The following APOL4 variants were observed in gnomAD, a reference collection of about 807,000 sequenced individuals.
The protein encoded by APOL4 is apolipoprotein L4, also known as apolipoprotein L, 4.
APOL4 carries 14 observed loss-of-function variants against 12.1 expected under a neutral mutation model. The observed-to-expected ratio is 1.16, with a 90% CI of 0.76 to 1.81. APOL4 has a LOEUF of 1.81. Ranked by LOEUF, APOL4 falls within the 40% of genes most tolerant of loss-of-function variation. APOL4 has a pLI of 0.00. For synonymous variants in APOL4, 171 were observed against 160.6 expected (o/e 1.06, Z -0.49); for missense variants, 432 against 423.1 (o/e 1.02, Z -0.18).
At chr22:36,199,441 A>AAC in intron 1 of APOL4, 65 bp from the exon 2 acceptor site, 1 of 1,613,438 alleles carries the variant, frequency 6.2e-7, no homozygotes, top group East Asian at 2.2e-5. Context: ...GGGAGGCTTG[A>AAC]ACAGCTGGGC....
intron 3 of APOL4, among the ~76,000 whole-genome samples, chr22:36,192,441 T>C (rs1388173981): frequency 1.3e-5 from 2 of 152,166 alleles, no homozygotes; most frequent in Non-Finnish European, 2.9e-5. Flanking sequence ...TAAGTTAAAG[T>C]CATCTTCCGA....
intron 1 of APOL4, 148 bp downstream of exon 1, chr22:36,201,552 G>C: frequency 1.7e-6 from 2 of 1,195,260 alleles, no homozygotes; most frequent in Non-Finnish European, 2.3e-6. Context: ...TGACAGGAGA[G>C]GGGCATCCCT....
intron 2 of APOL4, chr22:36,197,743 A>G (rs914512443): frequency 1.3e-6 from 2 of 1,550,276 alleles, no homozygotes; most frequent in African/African-American, 2.7e-5. Context: ...AAGAACAAGA[A>G]CTCCAGGCAG....
At position 36,189,458 on chromosome 22, in the gene APOL4, G is replaced by C. The variant is rs1046709448; in HGVS notation, c.*1617C>G. On this transcript the variant is annotated 3_prime_UTR_variant, in exon 4 of 4. Transcript: ENST00000683024. ...CCACCACCATCATCAAGAAGCCACT[G>C]GCTGACTCAGATACACCCCCGGGAG... The C allele has an allele frequency of 3.9e-5, 6 of 152,356 alleles. No homozygotes were observed. Among genetic ancestry groups the C allele is most frequent in the African/African-American group, 1.4e-4 (6 of 41,406 alleles). 9.4% of individuals were successfully genotyped at this position (152,356 alleles called of 1,614,324 possible).
chr22:36,193,554 A>T (rs1454861375), intron 3 of APOL4, among the ~76,000 whole-genome samples: 1 of 152,224 alleles, frequency 6.6e-6, no homozygotes, highest in East Asian at 1.9e-4. Flanking sequence ...AATAACAGTT[A>T]TCAGTGAGTT....
chr22:36,201,212 C>T (rs565623497), intron 1 of APOL4, among the ~76,000 whole-genome samples: 334 of 151,162 alleles, frequency 2.2e-3, no homozygotes, highest in African/African-American at 7.2e-3. Context: ...TACCATTGTT[C>T]TTTTCTCACC....
At chr22:36,195,099 C>T (rs1165867549) in intron 3 of APOL4, 3 of 534,686 alleles carry the variant, frequency 5.6e-6, no homozygotes, top group Non-Finnish European at 6.4e-6. Context: ...ACTGACCCTG[C>T]CCTTGTGGGC....
At chr22:36,195,159 G>A (rs544426408) in intron 3 of APOL4, 152 bp downstream of exon 3, 3 of 1,008,686 alleles carry the variant, frequency 3.0e-6, no homozygotes, top group South Asian at 1.8e-5. Context: ...AGCACTTGGA[G>A]GAAATATTCT....
chr22:36,200,671 G>T (rs879693406), intron 1 of APOL4, among the ~76,000 whole-genome samples: 6 of 152,238 alleles, frequency 3.9e-5, no homozygotes, highest in African/African-American at 1.2e-4. Context: ...GGAGTAGAAT[G>T]ACTAGGTCAG....
Position 36,189,366 on chromosome 22 carries a change from C to A in APOL4, c.*1709G>T, listed in dbSNP as rs2014179880. Reference sequence around the variant, plus strand: ...CCATGGAAATGGCTCATTACCCGGCCTTCAGGGTTCAAGCAGGGGACATGC... The same window carrying A: ...CCATGGAAATGGCTCATTACCCGGCATTCAGGGTTCAAGCAGGGGACATGC... On this transcript the variant is annotated 3_prime_UTR_variant, in exon 4 of 4. Coordinates refer to ENST00000683024, the MANE Select transcript of APOL4 (RefSeq NM_001386885.1). 6.6e-6 allele frequency: 1 copy of A among 152,144 alleles called. No individual in the cohort carries two copies. The highest frequency in any genetic ancestry group is 2.1e-4 in the South Asian group (1 of 4,824). The allele number at this position is 152,144 out of a possible 1,614,324, so 9.4% of individuals were successfully genotyped here. A position where few individuals can be genotyped will look rare whatever the true frequency, so the allele number is the denominator to read the frequency against.
At position 36,189,297 on chromosome 22, in the gene APOL4, C is replaced by G. The variant is rs1357856721; in HGVS notation, c.*1778G>C. On this transcript the variant is annotated 3_prime_UTR_variant, in exon 4 of 4. Transcript: ENST00000683024. The stretch of plus-strand genomic sequence containing the variant: ...ACTTGGTTGGTTCTCAGATACTCTC[C>G]AGGATGTTTGGATTCTCAGAGACAC... The G allele has an allele frequency of 6.6e-6, 1 of 152,184 alleles. No individual in the cohort carries two copies. The highest frequency in any genetic ancestry group is 1.9e-4 in the East Asian group (1 of 5,192). 9.4% of individuals were successfully genotyped at this position (152,184 alleles called of 1,614,324 possible). A position where few individuals can be genotyped will look rare whatever the true frequency, so the allele number is the denominator to read the frequency against.
In APOL4 at chr22:36,191,290, G is replaced by C; in HGVS notation, c.832C>G (p.Pro278Ala). The change falls in exon 4 of 4, where the codon CCC becomes GCC. Residue 278 changes from proline to alanine, a missense_variant. Pro to Ala is a conservative substitution (Grantham distance 27). Transcript: ENST00000683024. Reference protein sequence around the residue: ...VVETLRTRGAPTRIVRKVARN... With the variant: ...VVETLRTRGAATRIVRKVARN... Reference sequence around the variant, plus strand: ...GCTACTTTTCTCACTATCCGGGTGGGGGCCCCACGTGTTCTCAGTGTCTCA... The same window carrying C: ...GCTACTTTTCTCACTATCCGGGTGGCGGCCCCACGTGTTCTCAGTGTCTCA... 1 of 1,614,042 alleles carries C rather than the reference G, an allele frequency of 6.2e-7. No homozygotes were observed. The highest frequency in any genetic ancestry group is 8.5e-7 in the Non-Finnish European group (1 of 1,179,898).
chr22:36,199,218 C>A, intron 2 of APOL4, 112 bp downstream of exon 2: 1 of 1,450,410 alleles, frequency 6.9e-7, no homozygotes, highest in Non-Finnish European at 9.7e-7. Flanking sequence ...GTCTGGGTTC[C>A]GTTGGGGCTC....
At chr22:36,201,488 C>T in intron 1 of APOL4, 2 of 974,786 alleles carry the variant, frequency 2.1e-6, no homozygotes, top group Non-Finnish European at 3.0e-6. Context: ...GCAGCATTCA[C>T]CAGGGGAGTA....
At chr22:36,197,762 C>T (rs1157729828) in intron 2 of APOL4, 1 of 1,550,510 alleles carries the variant, frequency 6.4e-7, no homozygotes, top group Non-Finnish European at 8.7e-7. Flanking sequence ...AGCAGGTTCA[C>T]ATAATGGACA....
intron 2 of APOL4, among the ~76,000 whole-genome samples, chr22:36,196,983 G>A (rs1011512601): frequency 6.6e-6 from 1 of 152,180 alleles, no homozygotes; most frequent in African/African-American, 2.4e-5. Context: ...TAGGTGGGCA[G>A]GGGAGTGGGA....
intron 3 of APOL4, chr22:36,195,050 A>T: frequency 2.7e-6 from 1 of 364,926 alleles, no homozygotes; most frequent in Middle Eastern, 7.8e-4. Flanking sequence ...GAAAGTAGTC[A>T]AGTAGCTTGC....
At chr22:36,203,057 T>C (rs1328568615), upstream of APOL4, among the ~76,000 whole-genome samples, 2 of 152,210 alleles carry the variant, frequency 1.3e-5, no homozygotes, top group East Asian at 1.9e-4. Context: ...AGGTGGCTTT[T>C]GAATCTCATG....
chr22:36,204,615 A>G, upstream of APOL4: 1 of 587,240 alleles, frequency 1.7e-6, no homozygotes, highest in East Asian at 4.7e-5. Flanking sequence ...AGGTCACACC[A>G]TCCCCAACTT....
Sources: gnomAD v4.1 joint callset for allele counts (sites outside exome capture counted in the v4.1 genomes callset) on GRCh38, gnomAD v4.1.1 for gene constraint, MANE v1.5 for transcripts, NCBI Gene and HGNC (gene_info 2026-07-23, HGNC 2026-07-21) for gene names.